MSH4: variants seen among roughly 807,000 people sequenced by gnomAD.
MSH4 encodes the protein mutS protein homolog 4.
A neutral mutation model predicts 113.7 loss-of-function variants in MSH4; 106 were observed. That is an observed-to-expected ratio of 0.93 (90% CI 0.80 to 1.10). MSH4 has a LOEUF of 1.10. Ranked by LOEUF, MSH4 falls within the 50% of genes least tolerant of loss-of-function variation. The pLI, the probability that MSH4 is intolerant of heterozygous loss-of-function variation, is 0.00. For missense variants in MSH4, 1,061 were observed against 1,093.7 expected, an observed-to-expected ratio of 0.97 and a Z score of 0.42; for synonymous variants, 368 against 380.2, an observed-to-expected ratio of 0.97 and a Z score of 0.37.
intron 9 of MSH4, among the ~76,000 whole-genome samples, chr1:75,871,094 G>A (rs963392159): frequency 2.0e-5 from 3 of 152,168 alleles, no homozygotes; most frequent in Non-Finnish European, 2.9e-5. Flanking sequence ...CTCAGGAAAT[G>A]TACAATCATG....
intron 7 of MSH4, among the ~76,000 whole-genome samples, chr1:75,840,720 TA>T (rs150530397): frequency 0.25 from 38,169 of 151,472 alleles, 6,229 homozygotes; most frequent in East Asian, 0.68. Context: ...CTAAACCTTT[TA>T]AAAAAAACCC....
Position 75,822,419 on chromosome 1 carries a change from A to G in MSH4, c.1000A>G (p.Thr334Ala). 6.5e-7 allele frequency: 1 copy of G among 1,548,858 alleles called. No homozygotes were observed. The highest frequency in any genetic ancestry group is 1.4e-5 in the African/African-American group (1 of 70,208). Residue 334 changes from threonine to alanine, a missense_variant, in exon 7 of 20, where the codon ACT becomes GCT. Thr to Ala is a moderately conservative substitution (Grantham distance 58). Transcript: ENST00000263187. ...CTTGTGTTTTGAAAGGAATAATCACACTCTCTTTGGTGTTCTAAATTATAC... is the reference window on the plus strand; with the variant it reads ...CTTGTGTTTTGAAAGGAATAATCACGCTCTCTTTGGTGTTCTAAATTATAC... ...INNQDYRNNH[T>A]LFGVLNYTKT...
intron 6 of MSH4, among the ~76,000 whole-genome samples, chr1:75,818,924 A>G (rs370602844): frequency 1.9e-3 from 290 of 151,676 alleles, no homozygotes; most frequent in African/African-American, 6.7e-3. Context: ...CACCATGCCC[A>G]GCTAATTTTT....
chr1:75,878,167 A>T lies in MSH4; in HGVS notation c.1389A>T (p.Glu463Asp), dbSNP rs894768896. 1 of 1,598,740 alleles carries T rather than the reference A, an allele frequency of 6.3e-7. No homozygotes were observed. The highest frequency in any genetic ancestry group is 8.5e-7 in the Non-Finnish European group (1 of 1,174,558). Reference sequence around the variant, plus strand: ...ATATTAGGTTTGGAATCATACTTGAAAAGATTAAAACAGTAATTAATGATG... The same window carrying T: ...ATATTAGGTTTGGAATCATACTTGATAAGATTAAAACAGTAATTAATGATG... Reference protein sequence around the residue: ...LEDKRFGIILEKIKTVINDDA... With the variant: ...LEDKRFGIILDKIKTVINDDA... Residue 463 changes from glutamate to aspartate, a missense_variant, in exon 11 of 20, where the codon GAA (glutamate) becomes GAT (aspartate). Transcript: ENST00000263187.
At chr1:75,883,849 C>G (rs5745485) in intron 15 of MSH4, 28 bp downstream of exon 15, 434,488 of 1,571,246 alleles carry the variant, frequency 0.28, 62,622 homozygotes, top group African/African-American at 0.34. Context: ...TTATAATGAC[C>G]AGTTTTACAC....
chr1:75,862,655 C>G (rs940433184), intron 8 of MSH4, among the ~76,000 whole-genome samples: 1 of 152,044 alleles, frequency 6.6e-6, no homozygotes, highest in East Asian at 1.9e-4. Context: ...ATTTTTTTAA[C>G]CATCTGAAAA....
intron 7 of MSH4, among the ~76,000 whole-genome samples, chr1:75,828,635 A>G (rs1650610461): frequency 6.6e-6 from 1 of 152,140 alleles, no homozygotes; most frequent in Non-Finnish European, 1.5e-5. Context: ...AAAGATGGGA[A>G]CAATAGCTAT....
chr1:75,879,995 AC>A (rs1384809537), intron 12 of MSH4, 54 bp from the exon 13 acceptor site: 1 of 836,328 alleles, frequency 1.2e-6, no homozygotes, highest in Non-Finnish European at 2.0e-6. Flanking sequence ...TTAAAATCTT[AC>A]ATTTCATAGT....
At position 75,822,238 on chromosome 1, in the gene MSH4, G is replaced by T. The variant is rs184985868; in HGVS notation, c.990-171G>T. On this transcript the variant is annotated intron_variant, in intron 6 of 19. Transcript: ENST00000263187. ...TTGGAGGCGGAGCTTACAGTGAGCCGAGATCGCGCCACTGTACTCCATACT... is the reference window on the plus strand; with the variant it reads ...TTGGAGGCGGAGCTTACAGTGAGCCTAGATCGCGCCACTGTACTCCATACT... Among the ~76,000 whole-genome samples, 145 of 146,532 alleles carry T rather than the reference G, an allele frequency of 9.9e-4. 1 individual carries two copies. The highest frequency in any genetic ancestry group is 3.5e-3 in the African/African-American group (140 of 39,440).
At chr1:75,844,103 G>A (rs1002709182) in intron 7 of MSH4, among the ~76,000 whole-genome samples, 13 of 151,626 alleles carry the variant, frequency 8.6e-5, no homozygotes, top group Admixed American at 7.2e-4. Context: ...AAGCCACCAC[G>A]CCCGGCTCTT....
At chr1:75,845,746 A>G (rs1206142911) in intron 7 of MSH4, among the ~76,000 whole-genome samples, 2 of 152,068 alleles carry the variant, frequency 1.3e-5, no homozygotes, top group African/African-American at 4.8e-5. Context: ...ACCCACTCCC[A>G]TGGCTTTACT....
At chr1:75,844,495 T>G (rs574909920) in intron 7 of MSH4, among the ~76,000 whole-genome samples, 113 of 152,136 alleles carry the variant, frequency 7.4e-4, no homozygotes, top group African/African-American at 2.6e-3. Flanking sequence ...CATGGCTGAT[T>G]GTTGTATTTT....
At chr1:75,806,914 GTTTT>G in intron 2 of MSH4, 63 bp from the exon 3 acceptor site, 6 of 1,390,040 alleles carry the variant, frequency 4.3e-6, no homozygotes, top group Non-Finnish European at 5.7e-6. Context: ...GAATTTCCTA[GTTTT>G]TTTTAAAAAA....
intron 7 of MSH4, among the ~76,000 whole-genome samples, chr1:75,828,986 C>T (rs913427740): frequency 6.6e-6 from 1 of 152,160 alleles, no homozygotes; most frequent in Admixed American, 6.5e-5. Context: ...CAGGGCAGGA[C>T]ATTGCCTCAC....
rs1206341982 is a variant in MSH4 at position 75,912,928 on chromosome 1, C to T, written c.*41C>T. 7.9e-7 allele frequency: 1 copy of T among 1,258,364 alleles called. No individual in the cohort carries two copies. Among genetic ancestry groups the T allele is most frequent in the East Asian group, 2.9e-5 (1 of 34,472 alleles). 77.9% of individuals were successfully genotyped at this position (1,258,364 alleles called of 1,614,324 possible). On this transcript the variant is annotated 3_prime_UTR_variant, in exon 20 of 20. Coordinates refer to ENST00000263187, the MANE Select transcript of MSH4 (RefSeq NM_002440.4). ...AATAATATATCTTAATTCAAGGAACCTAGAATTTATTTTTCTCCTTAGAGA... is the reference window on the plus strand; with the variant it reads ...AATAATATATCTTAATTCAAGGAACTTAGAATTTATTTTTCTCCTTAGAGA...
chr1:75,810,850 T>G (rs751901014), intron 4 of MSH4, 43 bp downstream of exon 4: 4 of 862,878 alleles, frequency 4.6e-6, no homozygotes, highest in Non-Finnish European at 7.1e-6. Context: ...ATCTAATCAC[T>G]TATTTATTTA....
In MSH4 at chr1:75,816,364, A is replaced by G; in HGVS notation, c.816-9A>G. The G allele has an allele frequency of 1.3e-6, 2 of 1,575,800 alleles. No homozygotes were observed. The highest frequency in any genetic ancestry group is 2.4e-5 in the South Asian group (2 of 85,082). On this transcript the variant is annotated splice_polypyrimidine_tract_variant and intron_variant, in intron 5 of 19. Coordinates refer to ENST00000263187, the MANE Select transcript of MSH4 (RefSeq NM_002440.4). ...GACTTATAGTGATGTATTATTGGTCATCTTTTAGGTATTACTGCCTTGCAG... is the reference window on the plus strand; with the variant it reads ...GACTTATAGTGATGTATTATTGGTCGTCTTTTAGGTATTACTGCCTTGCAG...
At chr1:75,821,017 A>C (rs1650396550) in intron 6 of MSH4, among the ~76,000 whole-genome samples, 1 of 152,000 alleles carries the variant, frequency 6.6e-6, no homozygotes, top group African/African-American at 2.4e-5. Context: ...GTTAACAAGG[A>C]TATCCAGGAA....
At chr1:75,851,373 AG>A (rs1393745975) in intron 8 of MSH4, among the ~76,000 whole-genome samples, 3 of 151,932 alleles carry the variant, frequency 2.0e-5, no homozygotes, top group Non-Finnish European at 4.4e-5. Flanking sequence ...TAGGGTTTAT[AG>A]ACTACATCTT....
Sources: allele counts gnomAD v4.1 joint callset (sites outside exome capture counted in the v4.1 genomes callset), GRCh38; gene constraint gnomAD v4.1.1; transcripts MANE v1.5; gene names NCBI Gene and HGNC (gene_info 2026-07-23, HGNC 2026-07-21).